The following WWOX variants were observed in gnomAD, a reference collection of about 807,000 sequenced individuals.
WWOX encodes the protein WW domain-containing oxidoreductase.
A neutral mutation model predicts 46.2 loss-of-function variants in WWOX; 69 were observed. The ratio of observed to expected loss-of-function variants is 1.49; its 90% CI spans 1.23 to 1.82. The LOEUF (loss-of-function observed/expected upper bound fraction) is 1.82, where lower values mean the gene tolerates loss of function less well. Ranked by LOEUF, WWOX falls within the 40% of genes most tolerant of loss-of-function variation. The probability of loss-of-function intolerance (pLI) is 0.00; values close to 1 mark genes in which losing one functional copy is unlikely to be tolerated. For missense variants in WWOX, 919 were observed against 542.6 expected (o/e 1.69, Z -6.89); for synonymous variants, 359 against 202.6 (o/e 1.77, Z -6.56).
intron 7 of WWOX, among the ~76,000 whole-genome samples, chr16:78,431,019 A>G (rs1024508741): frequency 6.6e-6 from 1 of 152,184 alleles, no homozygotes; most frequent in East Asian, 1.9e-4. Context: ...CGGTGCCCAG[A>G]ATGAACTTAT....
intron 8 of WWOX, among the ~76,000 whole-genome samples, chr16:78,985,952 G>T (rs1006464828): frequency 6.6e-6 from 1 of 152,214 alleles, no homozygotes; most frequent in Non-Finnish European, 1.5e-5. Flanking sequence ...TGCAGATGCT[G>T]TGTCAAAAGT....
intron 8 of WWOX, among the ~76,000 whole-genome samples, chr16:78,947,544 C>A (rs957543871): frequency 6.6e-6 from 1 of 152,236 alleles, no homozygotes; most frequent in Non-Finnish European, 1.5e-5. Flanking sequence ...AAAGCTCTTC[C>A]TCTGATGAGC....
chr16:78,423,397 T>C (rs1345119107), intron 6 of WWOX, among the ~76,000 whole-genome samples: 1 of 152,250 alleles, frequency 6.6e-6, no homozygotes, highest in African/African-American at 2.4e-5. Flanking sequence ...ATGGTATATT[T>C]AGTTTACTTT....
intron 8 of WWOX, among the ~76,000 whole-genome samples, chr16:78,990,027 T>C (rs891201726): frequency 7.3e-5 from 11 of 151,416 alleles, no homozygotes; most frequent in Non-Finnish European, 1.6e-4. Context: ...CTACAAAAAA[T>C]ACAAAAATTA....
chr16:78,132,976 A>G (rs1239993836), intron 4 of WWOX, among the ~76,000 whole-genome samples: 1 of 152,200 alleles, frequency 6.6e-6, no homozygotes, highest in Non-Finnish European at 1.5e-5. Flanking sequence ...CATTCTGTCA[A>G]GGCTGCAGGG....
rs142228849 is a variant in WWOX at position 78,382,310 on chromosome 16, C to G, written c.517-4550C>G. Among the ~76,000 whole-genome samples the G allele has an allele frequency of 2.2e-3, 331 of 152,298 alleles. 2 individuals carry two copies. The highest frequency in any genetic ancestry group is 7.5e-3 in the African/African-American group (311 of 41,572). On this transcript the variant is annotated intron_variant, in intron 5 of 8. Transcript: ENST00000566780. ...ACACCAGTCACTATTAAGTGGAAGT[C>G]TTTGAGATGCCACGTGTAACTCACC... is the stretch of plus-strand genomic sequence containing the variant.
At chr16:78,905,653 G>A (rs1049303001) in intron 8 of WWOX, among the ~76,000 whole-genome samples, 3 of 152,122 alleles carry the variant, frequency 2.0e-5, no homozygotes, top group Non-Finnish European at 4.4e-5. Context: ...AAAGTGCTGG[G>A]ATTAGATGCA....
At chr16:78,528,260 C>T (rs923029082) in intron 8 of WWOX, among the ~76,000 whole-genome samples, 2 of 148,078 alleles carry the variant, frequency 1.4e-5, no homozygotes, top group African/African-American at 2.5e-5. Context: ...GTAATCCGCC[C>T]ACCTCGGCCT....
chr16:78,914,957 C>T (rs577178781), intron 8 of WWOX, among the ~76,000 whole-genome samples: 2 of 149,778 alleles, frequency 1.3e-5, no homozygotes, highest in African/African-American at 4.9e-5. Flanking sequence ...GGTGGAGAGA[C>T]AGAGAATCAG....
intron 5 of WWOX, among the ~76,000 whole-genome samples, chr16:78,182,577 T>C (rs1222486148): frequency 6.6e-6 from 1 of 152,046 alleles, no homozygotes; most frequent in African/African-American, 2.4e-5. Flanking sequence ...CCCTTCCTTC[T>C]TTTGTTCAGC....
In WWOX at chr16:78,909,732, G is replaced by A. The variant is rs200537868; in HGVS notation, c.1057-301876G>A. On this transcript the variant is annotated intron_variant, in intron 8 of 8. Coordinates refer to ENST00000566780, the MANE Select transcript of WWOX (RefSeq NM_016373.4). ...TTCTTTAAGCAAAACCATATGCATCGTATTTTAAATGGAACAGGGAGGTTG... is the reference window on the plus strand; with the variant it reads ...TTCTTTAAGCAAAACCATATGCATCATATTTTAAATGGAACAGGGAGGTTG... Among the ~76,000 whole-genome samples the A allele has an allele frequency of 1.2e-4, 19 of 152,242 alleles. No individual in the cohort carries two copies. The East Asian group carries it at 2.1e-3, about 17-fold the overall frequency.
intron 8 of WWOX, among the ~76,000 whole-genome samples, chr16:78,851,933 T>C (rs1276841557): frequency 6.6e-6 from 1 of 152,240 alleles, no homozygotes; most frequent in Non-Finnish European, 1.5e-5. Context: ...GCATCATTGC[T>C]AAAGCCTCTT....
At chr16:78,995,676 C>T (rs1312823539) in intron 8 of WWOX, among the ~76,000 whole-genome samples, 1 of 152,128 alleles carries the variant, frequency 6.6e-6, no homozygotes. Flanking sequence ...ATATAGCCAG[C>T]ATTTGATTCT....
intron 8 of WWOX, among the ~76,000 whole-genome samples, chr16:78,885,801 C>T (rs1027407776): frequency 8.6e-5 from 13 of 151,948 alleles, no homozygotes; most frequent in African/African-American, 3.1e-4. Flanking sequence ...CTTCCCCCTT[C>T]TTACTTAAGT....
intron 8 of WWOX, among the ~76,000 whole-genome samples, chr16:79,144,656 T>G (rs1199497583): frequency 1.3e-5 from 2 of 152,238 alleles, no homozygotes; most frequent in Non-Finnish European, 2.9e-5. Context: ...TTTATAATAT[T>G]AAGTTCGTTC....
intron 8 of WWOX, among the ~76,000 whole-genome samples, chr16:78,458,487 C>T (rs1225821989): frequency 3.3e-5 from 5 of 152,038 alleles, no homozygotes; most frequent in African/African-American, 4.8e-5. Flanking sequence ...TCTGGAACTC[C>T]TGTGCTCAAG....
At chr16:78,492,877 C>T (rs894235979) in intron 8 of WWOX, among the ~76,000 whole-genome samples, 2 of 152,106 alleles carry the variant, frequency 1.3e-5, no homozygotes, top group Admixed American at 1.3e-4. Flanking sequence ...CGGCAAGTAC[C>T]CAGTGTGCAT....
At chr16:78,929,993 G>A (rs1377303273) in intron 8 of WWOX, among the ~76,000 whole-genome samples, 1 of 152,170 alleles carries the variant, frequency 6.6e-6, no homozygotes, top group African/African-American at 2.4e-5. Flanking sequence ...GTGTGACCAT[G>A]TGACCCAGTT....
chr16:78,168,109 C>T (rs2035035603), intron 5 of WWOX: 1 of 152,168 alleles, frequency 6.6e-6, no homozygotes, highest in South Asian at 2.1e-4. Flanking sequence ...AGCAAAAGCT[C>T]ATTCAGAAGT....
Sources: allele counts gnomAD v4.1 joint callset (sites outside exome capture counted in the v4.1 genomes callset), GRCh38; gene constraint gnomAD v4.1.1; transcripts MANE v1.5; gene names NCBI Gene and HGNC (gene_info 2026-07-23, HGNC 2026-07-21).